The following TRABD2B variants were observed in gnomAD, a reference collection of about 807,000 sequenced individuals.
TRABD2B encodes metalloprotease TIKI2.
TRABD2B carries 14 observed loss-of-function variants against 40.1 expected under a neutral mutation model. The observed-to-expected ratio is 0.35, with a 90% CI of 0.23 to 0.55. The LOEUF (loss-of-function observed/expected upper bound fraction) is 0.55, where lower values mean the gene tolerates loss of function less well. Ranked by LOEUF, TRABD2B falls within the 20% of genes least tolerant of loss-of-function variation. TRABD2B has a pLI of 0.90. For missense variants in TRABD2B, 541 were observed against 648.6 expected (o/e 0.83, Z 1.80); for synonymous variants, 263 against 277.0 (o/e 0.95, Z 0.50).
intron 2 of TRABD2B, among the ~76,000 whole-genome samples, chr1:47,834,505 A>C (rs1645291766): frequency 6.6e-6 from 1 of 152,010 alleles, no homozygotes; most frequent in Admixed American, 6.6e-5. Flanking sequence ...TTAAAACAGG[A>C]AGTGCAGGCT....
intron 2 of TRABD2B, among the ~76,000 whole-genome samples, chr1:47,977,262 T>C (rs954047093): frequency 6.6e-6 from 1 of 152,098 alleles, no homozygotes; most frequent in Non-Finnish European, 1.5e-5. Flanking sequence ...CTGTAGTAGA[T>C]GGAGTTTCAC....
chr1:47,893,237 T>TAA (rs570310883), intron 2 of TRABD2B, among the ~76,000 whole-genome samples: 1 of 145,246 alleles, frequency 6.9e-6, no homozygotes. Flanking sequence ...TTCAAATATC[T>TAA]AAAAAAAAAA....
chr1:47,770,724 A>C (rs985726523), intron 6 of TRABD2B, among the ~76,000 whole-genome samples: 4 of 151,932 alleles, frequency 2.6e-5, no homozygotes, highest in African/African-American at 4.8e-5. Flanking sequence ...ACTAGCACTA[A>C]ATGCAGTATG....
rs1644293170 is a variant in TRABD2B at position 47,765,745 on chromosome 1, T to C, written c.*157A>G. 1.6e-6 allele frequency: 1 copy of C among 643,914 alleles called. No homozygotes were observed. The highest frequency in any genetic ancestry group is 2.8e-6 in the Non-Finnish European group (1 of 357,106). The allele number at this position is 643,914 out of a possible 1,614,324, so 39.9% of individuals were successfully genotyped here. On this transcript the variant is annotated 3_prime_UTR_variant, in exon 7 of 7. Transcript: ENST00000606738. ...AGATCCTTCTACAAAAAAGAAGATGTAACTTGGGTACAGTAAAGCTCTAGA... is the reference window on the plus strand; with the variant it reads ...AGATCCTTCTACAAAAAAGAAGATGCAACTTGGGTACAGTAAAGCTCTAGA...
chr1:47,843,833 G>A (rs1432090122), intron 2 of TRABD2B, among the ~76,000 whole-genome samples: 1 of 152,172 alleles, frequency 6.6e-6, no homozygotes, highest in East Asian at 1.9e-4. Flanking sequence ...GTGGGGTGTG[G>A]AGCCTGAAAA....
intron 2 of TRABD2B, among the ~76,000 whole-genome samples, chr1:47,952,774 A>G (rs1375165254): frequency 1.3e-5 from 2 of 152,206 alleles, no homozygotes. Context: ...TATTTACTGA[A>G]CACCAAATGA....
Position 47,765,983 on chromosome 1 carries a change from C to G in TRABD2B, c.1473G>C (p.Ser491=), listed in dbSNP as rs1050795669. ...CGGGGAGAAGGCCCAGGGTGGGTGC[C>G]GAGCTGCTGGCGGGCCCTGGCGGGT... is the stretch of plus-strand genomic sequence containing the variant. ...QQDPPGPASS[S]APTLGLLPAI... The change falls in exon 7 of 7, where the codon TCG becomes TCC. Residue 491 remains serine (S), a synonymous_variant. Coordinates refer to ENST00000606738, the MANE Select transcript of TRABD2B (RefSeq NM_001194986.2). 1.4e-6 allele frequency: 1 copy of G among 701,960 alleles called. No homozygotes were observed. The highest frequency in any genetic ancestry group is 2.0e-5 in the Admixed American group (1 of 49,932). The allele number at this position is 701,960 out of a possible 1,614,324, so 43.5% of individuals were successfully genotyped here. A position where few individuals can be genotyped will look rare whatever the true frequency, so the allele number is the denominator to read the frequency against.
chr1:47,810,079 T>C (rs1383572497), intron 2 of TRABD2B, among the ~76,000 whole-genome samples: 1 of 151,890 alleles, frequency 6.6e-6, no homozygotes, highest in Admixed American at 6.6e-5. Context: ...AAGTAAACCA[T>C]CCAGTATGTT....
chr1:47,954,346 T>C (rs1570358902), intron 2 of TRABD2B, among the ~76,000 whole-genome samples: 1 of 152,250 alleles, frequency 6.6e-6, no homozygotes, highest in African/African-American at 2.4e-5. Flanking sequence ...GGAAACTGTC[T>C]CCTCAATGGG....
intron 2 of TRABD2B, among the ~76,000 whole-genome samples, chr1:47,886,287 T>C (rs181137359): frequency 1.3e-5 from 2 of 152,324 alleles, no homozygotes; most frequent in Admixed American, 6.5e-5. Flanking sequence ...TCGGCCACTA[T>C]GCAGAGCATA....
chr1:47,822,168 A>ACAC (rs55710364), intron 2 of TRABD2B, among the ~76,000 whole-genome samples: 12 of 150,340 alleles, frequency 8.0e-5, no homozygotes, highest in Admixed American at 1.3e-4. Context: ...ACACACACAC[A>ACAC]AACACACATA....
intron 2 of TRABD2B, among the ~76,000 whole-genome samples, chr1:47,964,583 G>A (rs1281459234): frequency 6.6e-6 from 1 of 152,220 alleles, no homozygotes. Context: ...AAAGATGACA[G>A]AGTTTGAGCC....
intron 2 of TRABD2B, among the ~76,000 whole-genome samples, chr1:47,957,514 C>T (rs1645441874): frequency 6.6e-6 from 1 of 152,010 alleles, no homozygotes; most frequent in Non-Finnish European, 1.5e-5. Context: ...TACAGAAGAC[C>T]TTAAATGACC....
At chr1:47,924,929 C>T (rs1644950435) in intron 2 of TRABD2B, among the ~76,000 whole-genome samples, 1 of 152,218 alleles carries the variant, frequency 6.6e-6, no homozygotes, top group African/African-American at 2.4e-5. Flanking sequence ...AAGTCTCTGT[C>T]TGCAACCAGA....
intron 2 of TRABD2B, among the ~76,000 whole-genome samples, chr1:47,876,267 A>G (rs1376548817): frequency 6.6e-6 from 1 of 152,204 alleles, no homozygotes; most frequent in Non-Finnish European, 1.5e-5. Flanking sequence ...ATCAAATCAA[A>G]TAACTCATGG....
chr1:47,990,328 G>A lies in TRABD2B; in HGVS notation c.666+3706C>T, dbSNP rs1450991576. On this transcript the variant is annotated intron_variant, in intron 2 of 6. Transcript: ENST00000606738. ...GGACTCAGGTCCCCTAGAGGGAGAA[G>A]TAGTGGCAGCCGGTACCAGTCCCTG... Among the ~76,000 whole-genome samples, 14 of 152,304 alleles carry A rather than the reference G, an allele frequency of 9.2e-5. No homozygotes were observed. The East Asian group carries it at 2.7e-3, about 30-fold the overall frequency.
intron 6 of TRABD2B, among the ~76,000 whole-genome samples, chr1:47,774,418 T>A (rs1279284114): frequency 5.3e-5 from 8 of 152,154 alleles, no homozygotes. Flanking sequence ...CTAGCAACAC[T>A]GTTCACTAAA....
At chr1:47,768,627 C>T (rs1644337825) in intron 6 of TRABD2B, among the ~76,000 whole-genome samples, 1 of 152,180 alleles carries the variant, frequency 6.6e-6, no homozygotes, top group Non-Finnish European at 1.5e-5. Context: ...TCTCATTGAC[C>T]TCTCTGTGTT....
chr1:47,919,250 T>C (rs748726974), intron 2 of TRABD2B, among the ~76,000 whole-genome samples: 15 of 152,058 alleles, frequency 9.9e-5, no homozygotes, highest in Non-Finnish European at 1.9e-4. Flanking sequence ...GATGGGAAAA[T>C]AAAAGAGAGT....
Sources: gnomAD v4.1 joint callset for allele counts (sites outside exome capture counted in the v4.1 genomes callset) on GRCh38, gnomAD v4.1.1 for gene constraint, MANE v1.5 for transcripts, NCBI Gene and HGNC (gene_info 2026-07-23, HGNC 2026-07-21) for gene names.